Variants in IL16 observed in about 807,000 individuals in gnomAD.
IL16 encodes interleukin 16, also known as pro-interleukin-16.
IL16 carries 67 observed loss-of-function variants against 110.1 expected under a neutral mutation model. The observed-to-expected ratio is 0.61, with a 90% CI of 0.50 to 0.75. The LOEUF (loss-of-function observed/expected upper bound fraction) is 0.75. Among genes scored for constraint, IL16 ranks in the 30% least tolerant of loss-of-function variants. The pLI, the probability that IL16 is intolerant of heterozygous loss-of-function variation, is 0.00. For synonymous variants in IL16, 689 were observed against 662.9 expected, an observed-to-expected ratio of 1.04 and a Z score of -0.61; for missense variants, 1,545 against 1,655.0, an observed-to-expected ratio of 0.93 and a Z score of 1.15.
intron 3 of IL16, among the ~76,000 whole-genome samples, chr15:81,263,889 C>A (rs1308603558): frequency 6.6e-6 from 1 of 152,140 alleles, no homozygotes; most frequent in African/African-American, 2.4e-5. Context: ...CTTCACTGAT[C>A]CGGAACCCTC....
At chr15:81,296,318 C>T (rs1899981168) in intron 12 of IL16, among the ~76,000 whole-genome samples, 2 of 152,144 alleles carry the variant, frequency 1.3e-5, no homozygotes, top group Admixed American at 1.3e-4. Flanking sequence ...TTTGGGAGGA[C>T]CCCAAGGCTG....
chr15:81,192,733 G>T (rs544981751), upstream of IL16, among the ~76,000 whole-genome samples: 44 of 152,290 alleles, frequency 2.9e-4, no homozygotes, highest in African/African-American at 9.6e-4. Context: ...GATTATGAAG[G>T]TCTGCATAGG....
chr15:81,210,097 A>G (rs867076312), intron 1 of IL16, among the ~76,000 whole-genome samples: 8 of 152,340 alleles, frequency 5.3e-5, no homozygotes, highest in African/African-American at 1.9e-4. Flanking sequence ...TAGCCAGTTT[A>G]TCCAGAAACA....
chr15:81,283,690 T>C (rs1184083747), intron 9 of IL16, among the ~76,000 whole-genome samples: 1 of 152,216 alleles, frequency 6.6e-6, no homozygotes, highest in East Asian at 1.9e-4. Flanking sequence ...GAATTCTATA[T>C]GGAAATGGTG....
chr15:81,303,758 G>C lies in IL16; in HGVS notation c.3420+108G>C. ...TGTGCTGGGGAAATGAAGAATGCAT[G>C]ACACTAGGCCACTGGGCAGGTCCTG... On this transcript the variant is annotated intron_variant, in intron 16 of 18. Coordinates refer to ENST00000683961, the MANE Select transcript of IL16 (RefSeq NM_172217.5). This position sits in a 1 kb window ranked among gnomAD's most constrained non-coding sequence, Gnocchi z 4.1. The C allele has an allele frequency of 1.3e-6, 1 of 752,828 alleles. No individual in the cohort carries two copies. Among genetic ancestry groups the C allele is most frequent in the African/African-American group, 1.7e-5 (1 of 59,182 alleles). The allele number at this position is 752,828 out of a possible 1,614,324, so 46.6% of individuals were successfully genotyped here. A position where few individuals can be genotyped will look rare whatever the true frequency, so the allele number is the denominator to read the frequency against.
intron 11 of IL16, 128 bp from the exon 12 acceptor site, chr15:81,292,428 A>G (rs1030397294): frequency 7.3e-7 from 1 of 1,360,604 alleles, no homozygotes; most frequent in Non-Finnish European, 1.0e-6. Context: ...CCAGATCCAC[A>G]GTGACTTCAG....
At position 81,197,124 on chromosome 15, in the gene IL16, C is replaced by G. The variant is rs761920758; in HGVS notation, c.-130C>G. On this transcript the variant is annotated 5_prime_UTR_variant, in exon 1 of 19. Coordinates refer to ENST00000683961, the MANE Select transcript of IL16 (RefSeq NM_172217.5). Reference sequence around the variant, plus strand: ...CAAGGGAGATGGCAGCCCCGGGGGACTGTGCATAGGGAGGTAGGTGGGCAC... The same window carrying G: ...CAAGGGAGATGGCAGCCCCGGGGGAGTGTGCATAGGGAGGTAGGTGGGCAC... The G allele has an allele frequency of 7.8e-7, 1 of 1,288,852 alleles. No individual in the cohort carries two copies. The highest frequency in any genetic ancestry group is 1.0e-6 in the Non-Finnish European group (1 of 988,502). 79.8% of individuals were successfully genotyped at this position (1,288,852 alleles called of 1,614,324 possible). A position where few individuals can be genotyped will look rare whatever the true frequency, so the allele number is the denominator to read the frequency against.
chr15:81,271,279 A>AC (rs1898624775), intron 5 of IL16, among the ~76,000 whole-genome samples: 1 of 150,046 alleles, frequency 6.7e-6, no homozygotes, highest in African/African-American at 2.4e-5. Context: ...AAAATAAATT[A>AC]AATAAAATAA....
chr15:81,239,835 G>A (rs1838084919), intron 2 of IL16, among the ~76,000 whole-genome samples: 3 of 152,154 alleles, frequency 2.0e-5, no homozygotes, highest in Non-Finnish European at 2.9e-5. Context: ...CTGGGTTGCA[G>A]GCCTCTCCAG....
chr15:81,300,047 G>T lies in IL16; in HGVS notation c.2721G>T (p.Gly907=), dbSNP rs746623349. Residue 907 remains glycine (G), a synonymous_variant, in exon 14 of 19, where the codon GGG becomes GGT. Transcript: ENST00000683961. Reference sequence around the variant, plus strand: ...AGCCTGAGCAAGTACTGTCCTCGGGGTCCCCTGCAGCCTCCGAGGCCAGAG... The same window carrying T: ...AGCCTGAGCAAGTACTGTCCTCGGGTTCCCCTGCAGCCTCCGAGGCCAGAG... ...PQQPEQVLSS[G]SPAASEARDP... 1 of 1,566,222 alleles carries T rather than the reference G, an allele frequency of 6.4e-7. No individual in the cohort carries two copies. The highest frequency in any genetic ancestry group is 2.2e-5 in the East Asian group (1 of 44,552).
chr15:81,194,430 T>C (rs1401854096), upstream of IL16, among the ~76,000 whole-genome samples: 1 of 151,638 alleles, frequency 6.6e-6, no homozygotes, highest in Non-Finnish European at 1.5e-5. Flanking sequence ...TAATTTTAAT[T>C]TTTTAAATTA....
upstream of IL16, among the ~76,000 whole-genome samples, chr15:81,195,049 A>G (rs1196729656): frequency 6.6e-6 from 1 of 152,154 alleles, no homozygotes; most frequent in Non-Finnish European, 1.5e-5. Flanking sequence ...TGAAGGGCAG[A>G]GGGGTGATAA....
At chr15:81,236,646 T>G (rs4570791) in intron 2 of IL16, among the ~76,000 whole-genome samples, 2,386 of 152,006 alleles carry the variant, frequency 0.016, 58 homozygotes, top group African/African-American at 0.055. Flanking sequence ...AGTGAAGAGG[T>G]GTTAGGTAGA....
chr15:81,267,479 G>GACACACAC (rs56259509), intron 4 of IL16, among the ~76,000 whole-genome samples: 1,645 of 107,690 alleles, frequency 0.015, 26 homozygotes, highest in African/African-American at 0.08. Context: ...CACATACACA[G>GACACACAC]ACACACACAC....
chr15:81,248,822 GC>G (rs1897664729), intron 2 of IL16, among the ~76,000 whole-genome samples: 1 of 148,740 alleles, frequency 6.7e-6, no homozygotes, highest in Non-Finnish European at 1.5e-5. Context: ...CTGGGTTCAA[GC>G]CGTTCTCCTG....
intron 1 of IL16, among the ~76,000 whole-genome samples, chr15:81,208,995 A>G (rs1344687643): frequency 6.6e-6 from 1 of 152,248 alleles, no homozygotes; most frequent in Non-Finnish European, 1.5e-5. Context: ...CACCTAAAAC[A>G]GAACAGTGCA....
chr15:81,222,487 T>G (rs1321139011), intron 1 of IL16, among the ~76,000 whole-genome samples: 2 of 151,506 alleles, frequency 1.3e-5, no homozygotes, highest in Non-Finnish European at 2.9e-5. Context: ...ATGTCTGAAC[T>G]CAGTCCCTCT....
chr15:81,264,242 C>T (rs1898277772), intron 3 of IL16, among the ~76,000 whole-genome samples: 1 of 152,132 alleles, frequency 6.6e-6, no homozygotes, highest in Non-Finnish European at 1.5e-5. Context: ...AGCAGTTGGT[C>T]CCTGTAACTC....
rs1009292228 is a variant in IL16, at chr15:81,245,724, C to CTTTTTTTTTTTTTTTTTTTT, written c.313-14043_313-14024dup. Among the ~76,000 whole-genome samples, 13 of 61,268 alleles carry CTTTTTTTTTTTTTTTTTTTT rather than the reference C, an allele frequency of 2.1e-4. 3 individuals carry two copies. The highest frequency in any genetic ancestry group is 6.1e-4 in the African/African-American group (9 of 14,672). The allele number at this position is 61,268 out of a possible 152,430, so 40.2% of individuals were successfully genotyped here. A position where few individuals can be genotyped will look rare whatever the true frequency, so the allele number is the denominator to read the frequency against. On this transcript the variant is annotated intron_variant, in intron 2 of 18. Transcript: ENST00000683961. ...TAGAGAGATCAGACTTTTGTTTTGG[C>CTTTTTTTTTTTTTTTTTTTT]TTTTTTTTTTTTTTTTTTTTTTTTG...
Sources: gnomAD v4.1 joint callset for allele counts (sites outside exome capture counted in the v4.1 genomes callset) on GRCh38, gnomAD v4.1.1 for gene constraint, Gnocchi (gnomAD v3.1) non-coding constraint, MANE v1.5 for transcripts, NCBI Gene and HGNC (gene_info 2026-07-23, HGNC 2026-07-21) for gene names.